GLT8D2: variants seen among roughly 807,000 people sequenced by gnomAD.
The protein encoded by GLT8D2 is glycosyltransferase 8 domain-containing protein 2.
In GLT8D2, 45 loss-of-function variants were observed where a neutral mutation model predicts 44.5. The ratio of observed to expected loss-of-function variants is 1.01; its 90% CI spans 0.80 to 1.30. The LOEUF (loss-of-function observed/expected upper bound fraction) is 1.30. Ranked by LOEUF, GLT8D2 falls within the 50% of genes most tolerant of loss-of-function variation. GLT8D2 has a pLI of 0.00. For missense variants in GLT8D2, 400 were observed against 430.4 expected, an observed-to-expected ratio of 0.93 and a Z score of 0.62; for synonymous variants, 156 against 157.2, an observed-to-expected ratio of 0.99 and a Z score of 0.06.
In GLT8D2 at chr12:103,994,483, G is replaced by T; in HGVS notation, c.619C>A (p.Leu207Met). The T allele has an allele frequency of 6.2e-7, 1 of 1,613,794 alleles. No individual in the cohort carries two copies. The highest frequency in any genetic ancestry group is 8.5e-7 in the Non-Finnish European group (1 of 1,179,864). ...TTGATGGCCTTCTTCCGGTAGTCCAGATAGCCCATATATGTGTTCTGTAAG... is the reference window on the plus strand; with the variant it reads ...TTGATGGCCTTCTTCCGGTAGTCCATATAGCCCATATATGTGTTCTGTAAG... ...VGLQNTYMGYLDYRKKAIKDL... is the reference protein window; with the variant it reads ...VGLQNTYMGYMDYRKKAIKDL... The change falls in exon 9 of 11, where the codon CTG becomes ATG. Residue 207 changes from leucine to methionine, a missense_variant. Transcript: ENST00000360814.
At chr12:104,045,935 G>GAAAC (rs1555281859) in intron 1 of GLT8D2, among the ~76,000 whole-genome samples, 1 of 111,810 alleles carries the variant, frequency 8.9e-6, no homozygotes, top group African/African-American at 3.3e-5. Flanking sequence ...AAGAAAGAAA[G>GAAAC]AAAAAGAAAG....
At chr12:103,994,302 C>T (rs1280709745) in intron 9 of GLT8D2, 33 bp downstream of exon 9, 1 of 1,561,072 alleles carries the variant, frequency 6.4e-7, no homozygotes, top group Non-Finnish European at 8.7e-7. Context: ...TGTTTCCAAG[C>T]ATGGAAAAAA....
Position 104,064,168 on chromosome 12 carries a change from C to G in GLT8D2, c.-642G>C, listed in dbSNP as rs1287367319. 1 of 159,854 alleles carries G rather than the reference C, an allele frequency of 6.3e-6. No individual in the cohort carries two copies. Among genetic ancestry groups the G allele is most frequent in the Non-Finnish European group, 1.4e-5 (1 of 73,274 alleles). The allele number at this position is 159,854 out of a possible 1,614,324, so 9.9% of individuals were successfully genotyped here. A position where few individuals can be genotyped will look rare whatever the true frequency, so the allele number is the denominator to read the frequency against. On this transcript the variant is annotated 5_prime_UTR_variant, in exon 1 of 11. Coordinates refer to the GLT8D2 transcript ENST00000548660. The surrounding 1 kb of genome is among the most constrained non-coding windows in gnomAD (Gnocchi z 7.3). ...GCTCTTCGAACCTCTACCCGAGCTT[C>G]TCTCACGTTGCTTGTGAGACTGCCT...
At chr12:104,036,928 G>A (rs902657530) in intron 1 of GLT8D2, among the ~76,000 whole-genome samples, 1 of 152,144 alleles carries the variant, frequency 6.6e-6, no homozygotes, top group Non-Finnish European at 1.5e-5. Context: ...ACACTCTTCA[G>A]CAAATGTAAA....
intron 8 of GLT8D2, among the ~76,000 whole-genome samples, chr12:103,996,407 A>G (rs895404446): frequency 1.3e-5 from 2 of 152,204 alleles, no homozygotes; most frequent in African/African-American, 4.8e-5. Flanking sequence ...TCATTTCTGG[A>G]GCTTTTATTT....
intron 1 of GLT8D2, among the ~76,000 whole-genome samples, chr12:104,045,931 GAAAGAA>G (rs755498780): frequency 3.3e-4 from 45 of 137,162 alleles, no homozygotes; most frequent in East Asian, 1.7e-3. Context: ...AAGAAAGAAA[GAAAGAA>G]AAAGAAAGAA....
chr12:104,001,892 C>T (rs368498381), intron 5 of GLT8D2, among the ~76,000 whole-genome samples: 11 of 151,964 alleles, frequency 7.2e-5, no homozygotes, highest in East Asian at 5.8e-4. Context: ...TTAGTAGAGA[C>T]GGGGTTTCGC....
Position 103,999,385 on chromosome 12 carries a change from G to A in GLT8D2, c.402+12C>T. ...AAGGACTGTCCCCAGCACCTGTGTG[G>A]TCCCTACTTACAGGCTGGAGCAATT... On this transcript the variant is annotated intron_variant, in intron 6 of 10. Coordinates refer to ENST00000360814, the MANE Select transcript of GLT8D2 (RefSeq NM_001384711.1). 1 of 1,474,170 alleles carries A rather than the reference G, an allele frequency of 6.8e-7. No homozygotes were observed. Among genetic ancestry groups the A allele is most frequent in the Non-Finnish European group, 9.5e-7 (1 of 1,052,282 alleles). 91.3% of individuals were successfully genotyped at this position (1,474,170 alleles called of 1,614,324 possible).
chr12:104,012,843 A>C (rs1397929192), intron 4 of GLT8D2: 1 of 695,966 alleles, frequency 1.4e-6, no homozygotes, highest in Non-Finnish European at 2.6e-6. Context: ...AAGGAGGAAA[A>C]GAGGAGAATC....
At chr12:104,055,848 C>T (rs570000563) in intron 1 of GLT8D2, among the ~76,000 whole-genome samples, 5 of 152,324 alleles carry the variant, frequency 3.3e-5, no homozygotes, top group African/African-American at 9.6e-5. Context: ...CTCTTTGCCA[C>T]GTTTGTCTCC....
In GLT8D2 at chr12:104,003,134, C is replaced by T. The variant is rs750427192; in HGVS notation, c.284+1G>A. 11 of 1,612,992 alleles carry T rather than the reference C, an allele frequency of 6.8e-6. No homozygotes were observed. The highest frequency in any genetic ancestry group is 9.3e-6 in the Non-Finnish European group (11 of 1,179,166). On this transcript the variant is annotated splice_donor_variant, in intron 5 of 10. Transcript: ENST00000360814. LOFTEE classifies it high-confidence loss of function. ...GCCAAAGTCTGTAAGACATAACTTACCGTATTCGAGTCAGAGTATTCCGGA... is the reference window on the plus strand; with the variant it reads ...GCCAAAGTCTGTAAGACATAACTTATCGTATTCGAGTCAGAGTATTCCGGA...
At chr12:104,023,984 T>C (rs983953975) in intron 1 of GLT8D2, among the ~76,000 whole-genome samples, 2 of 152,220 alleles carry the variant, frequency 1.3e-5, no homozygotes, top group Non-Finnish European at 2.9e-5. Flanking sequence ...TGAATAATAC[T>C]TCTGTAAACA....
At chr12:104,001,204 G>A (rs1000422564) in intron 5 of GLT8D2, among the ~76,000 whole-genome samples, 4 of 152,192 alleles carry the variant, frequency 2.6e-5, no homozygotes, top group African/African-American at 7.2e-5. Context: ...AATCTCCTAT[G>A]TCTGCTTAGA....
At chr12:103,996,100 T>C (rs879921416) in intron 8 of GLT8D2, among the ~76,000 whole-genome samples, 3 of 152,200 alleles carry the variant, frequency 2.0e-5, no homozygotes, top group Non-Finnish European at 4.4e-5. Context: ...AAATGCCACA[T>C]ACATAAAATT....
chr12:104,027,858 C>T (rs1566205471), intron 1 of GLT8D2, among the ~76,000 whole-genome samples: 1 of 152,246 alleles, frequency 6.6e-6, no homozygotes, highest in Admixed American at 6.5e-5. Context: ...AAGTGCTGAG[C>T]TCTCAAAGGG....
chr12:103,989,408 T>G lies in GLT8D2; in HGVS notation c.1050A>C (p.Ter350CysextTer11), dbSNP rs748030157. 6.2e-7 allele frequency: 1 copy of G among 1,602,696 alleles called. No individual in the cohort carries two copies. Among genetic ancestry groups the G allele is most frequent in the South Asian group, 1.1e-5 (1 of 88,568 alleles). The change falls in exon 11 of 11, where the codon TGA becomes TGC. Residue 350 changes from the stop codon to cysteine (C), a stop_lost. Transcript: ENST00000360814. The stretch of plus-strand genomic sequence containing the variant: ...GGAATATTTTAAGGGTAGAGTTATA[T>G]CAGCTATGGTGATTGAGTTTAAATA... ...AGIFKLNHHS* is the reference protein window; with the variant it reads ...AGIFKLNHHSC
At chr12:104,012,942 G>A in intron 4 of GLT8D2, 1 of 576,694 alleles carries the variant, frequency 1.7e-6, no homozygotes, top group Admixed American at 3.3e-5. Flanking sequence ...GCCAAGGAGA[G>A]AGGCCTCAGG....
chr12:104,058,057 T>C (rs1297941157), intron 1 of GLT8D2, among the ~76,000 whole-genome samples: 1 of 152,214 alleles, frequency 6.6e-6, no homozygotes, highest in African/African-American at 2.4e-5. Flanking sequence ...TCTCTTTTTG[T>C]CAAGTTACAC....
intron 1 of GLT8D2, among the ~76,000 whole-genome samples, chr12:104,034,801 A>G (rs2136448881): frequency 6.6e-6 from 1 of 152,338 alleles, no homozygotes; most frequent in Admixed American, 6.5e-5. Context: ...TTCTCCCAGC[A>G]TGGTGTTTGA....
Sources: gnomAD v4.1 joint callset for allele counts (sites outside exome capture counted in the v4.1 genomes callset) on GRCh38, gnomAD v4.1.1 for gene constraint, Gnocchi (gnomAD v3.1) non-coding constraint, MANE v1.5 for transcripts, NCBI Gene and HGNC (gene_info 2026-07-23, HGNC 2026-07-21) for gene names.